The following ALPK1 variants were observed in gnomAD, a reference collection of about 807,000 sequenced individuals.
The protein encoded by ALPK1 is alpha-protein kinase 1.
In ALPK1, 110 loss-of-function variants were observed where a neutral mutation model predicts 120.6. The ratio of observed to expected loss-of-function variants is 0.91; its 90% CI spans 0.78 to 1.07. The LOEUF (loss-of-function observed/expected upper bound fraction) is 1.07. Ranked by LOEUF, ALPK1 falls within the 50% of genes least tolerant of loss-of-function variation. The pLI is 0.00. For synonymous variants in ALPK1, 582 were observed against 560.3 expected, an observed-to-expected ratio of 1.04 and a Z score of -0.55; for missense variants, 1,498 against 1,483.9, an observed-to-expected ratio of 1.01 and a Z score of -0.16.
chr4:112,353,752 C>T (rs1192567218), intron 2 of ALPK1, among the ~76,000 whole-genome samples: 1 of 152,004 alleles, frequency 6.6e-6, no homozygotes, highest in Non-Finnish European at 1.5e-5. Context: ...GCCTGTAATC[C>T]CAGCTACTTG....
intron 9 of ALPK1, among the ~76,000 whole-genome samples, chr4:112,428,444 AAAG>A (rs1734337559): frequency 6.6e-6 from 1 of 152,224 alleles, no homozygotes; most frequent in Admixed American, 6.5e-5. Context: ...TAGTGTAGCA[AAAG>A]AACACATACA....
At chr4:112,341,653 C>A (rs1445590196) in intron 2 of ALPK1, among the ~76,000 whole-genome samples, 1 of 152,082 alleles carries the variant, frequency 6.6e-6, no homozygotes, top group Admixed American at 6.6e-5. Context: ...TAGTGTTGGG[C>A]AAAGCCTAAG....
intron 11 of ALPK1, among the ~76,000 whole-genome samples, chr4:112,433,302 C>T (rs917045280): frequency 9.2e-5 from 14 of 152,204 alleles, no homozygotes; most frequent in South Asian, 2.1e-4. Flanking sequence ...TCATTGACAG[C>T]GCCTTTTCTC....
chr4:112,358,599 C>T, intron 2 of ALPK1: 1 of 723,132 alleles, frequency 1.4e-6, no homozygotes. Flanking sequence ...CTGCTGGCCG[C>T]CCTGGAGCAC....
At chr4:112,425,571 G>A in intron 6 of ALPK1, 94 bp from the exon 7 acceptor site, 1 of 996,516 alleles carries the variant, frequency 1.0e-6, no homozygotes. Flanking sequence ...TCAAAATGAT[G>A]TCACATGTGC....
intron 4 of ALPK1, among the ~76,000 whole-genome samples, chr4:112,398,104 G>A (rs142890199): frequency 7.0e-4 from 107 of 152,254 alleles, no homozygotes; most frequent in Non-Finnish European, 1.1e-3. Context: ...GAATGAGGGA[G>A]CCATGCGGAT....
chr4:112,386,642 G>A (rs1319450390), intron 4 of ALPK1, among the ~76,000 whole-genome samples: 3 of 152,130 alleles, frequency 2.0e-5, no homozygotes, highest in Admixed American at 6.5e-5. Flanking sequence ...ATGTCTCATC[G>A]TGCCATAGAA....
chr4:112,393,270 TG>T (rs1732505774), intron 4 of ALPK1, among the ~76,000 whole-genome samples: 1 of 152,146 alleles, frequency 6.6e-6, no homozygotes, highest in South Asian at 2.1e-4. Flanking sequence ...TAGGCTGCCA[TG>T]GCCTGCTAGC....
intron 4 of ALPK1, among the ~76,000 whole-genome samples, chr4:112,397,233 C>T (rs1432943301): frequency 1.3e-5 from 2 of 152,228 alleles, no homozygotes; most frequent in East Asian, 1.9e-4. Context: ...CTAGCTTCTT[C>T]GTAAAAGTAG....
rs571749617 is a variant in ALPK1, at chr4:112,382,660, C to T, written c.276+108C>T. On this transcript the variant is annotated intron_variant, in intron 4 of 15. Transcript: ENST00000650871. The stretch of plus-strand genomic sequence containing the variant: ...TTTGAAGCACAAGACAGCCCCCTAC[C>T]CTTATGCTCAGCTCTGCCAGATTGA... The T allele has an allele frequency of 1.1e-5, 16 of 1,465,016 alleles. No homozygotes were observed. In the South Asian group the frequency reaches 1.8e-4, roughly 16 times the overall value. 90.8% of individuals were successfully genotyped at this position (1,465,016 alleles called of 1,614,324 possible).
At chr4:112,340,576 A>G (rs1729817166) in intron 2 of ALPK1, among the ~76,000 whole-genome samples, 1 of 152,232 alleles carries the variant, frequency 6.6e-6, no homozygotes, top group South Asian at 2.1e-4. Context: ...AAAAATACAC[A>G]TAATATGGAT....
At chr4:112,302,883 T>C (rs1373769528) in intron 1 of ALPK1, among the ~76,000 whole-genome samples, 4 of 152,224 alleles carry the variant, frequency 2.6e-5, no homozygotes, top group African/African-American at 9.6e-5. Context: ...TCTACCTCCC[T>C]GCAATCTGGC....
At chr4:112,305,246 T>C (rs1727985040) in intron 1 of ALPK1, among the ~76,000 whole-genome samples, 1 of 151,498 alleles carries the variant, frequency 6.6e-6, no homozygotes, top group Non-Finnish European at 1.5e-5. Context: ...CTTTTTTGGT[T>C]CCATATGAAC....
intron 6 of ALPK1, among the ~76,000 whole-genome samples, chr4:112,424,857 A>G (rs1734166722): frequency 6.6e-6 from 1 of 152,232 alleles, no homozygotes; most frequent in African/African-American, 2.4e-5. Context: ...GTGAGGGGGT[A>G]GTAAAGAGTC....
chr4:112,403,858 G>T (rs774053320), intron 4 of ALPK1, among the ~76,000 whole-genome samples: 4 of 152,218 alleles, frequency 2.6e-5, no homozygotes, highest in Non-Finnish European at 4.4e-5. Context: ...TCTATTAAGA[G>T]TAGAAGGGGG....
At chr4:112,396,776 T>C (rs925951149) in intron 4 of ALPK1, among the ~76,000 whole-genome samples, 13 of 152,090 alleles carry the variant, frequency 8.5e-5, no homozygotes, top group African/African-American at 3.1e-4. Context: ...GCTGTTTTTT[T>C]TTCTTTTTTT....
intron 2 of ALPK1, among the ~76,000 whole-genome samples, chr4:112,326,219 TC>T (rs1729110599): frequency 6.6e-6 from 1 of 152,194 alleles, no homozygotes; most frequent in Non-Finnish European, 1.5e-5. Flanking sequence ...CATGCAAACC[TC>T]CCTGCTACAA....
rs1398511805 is a variant in ALPK1, at chr4:112,354,913, C to T, written c.-100-22765C>T. Among the ~76,000 whole-genome samples the T allele has an allele frequency of 2.6e-5, 4 of 151,918 alleles. No individual in the cohort carries two copies. The East Asian group carries it at 7.7e-4, about 29-fold the overall frequency. On this transcript the variant is annotated intron_variant, in intron 2 of 15. Coordinates refer to ENST00000650871, the MANE Select transcript of ALPK1 (RefSeq NM_025144.4). ...CTTTATTATTCTTGAACTGTTTTTC[C>T]CTACAAATTTTAAAATCACCTTTTT...
At chr4:112,342,962 G>C (rs1729924514) in intron 2 of ALPK1, 1 of 152,346 alleles carries the variant, frequency 6.6e-6, no homozygotes, top group Non-Finnish European at 1.5e-5. Context: ...GATTCCTCCT[G>C]GTACAGAACA....
Sources: allele counts gnomAD v4.1 joint callset (sites outside exome capture counted in the v4.1 genomes callset), GRCh38; gene constraint gnomAD v4.1.1; transcripts MANE v1.5; gene names NCBI Gene and HGNC (gene_info 2026-07-23, HGNC 2026-07-21).